Variants in JAK2 observed in about 807,000 individuals in gnomAD.
JAK2 encodes the protein Janus kinase 2, also known as tyrosine-protein kinase JAK2.
A neutral mutation model predicts 139.3 loss-of-function variants in JAK2; 86 were observed. The observed-to-expected ratio is 0.62, with a 90% CI of 0.52 to 0.74. The LOEUF (loss-of-function observed/expected upper bound fraction) is 0.74, where lower values mean the gene tolerates loss of function less well. Among genes scored for constraint, JAK2 ranks in the 30% least tolerant of loss-of-function variants. The pLI, the probability that JAK2 is intolerant of heterozygous loss-of-function variation, is 0.00. For missense variants in JAK2, 1,421 were observed against 1,360.3 expected, an observed-to-expected ratio of 1.04 and a Z score of -0.70; for synonymous variants, 490 against 437.7, an observed-to-expected ratio of 1.12 and a Z score of -1.49.
In JAK2 at chr9:4,987,081, G is replaced by T. The variant is rs139373280; in HGVS notation, c.-26+1059G>T. ...CTTGTACATGCATTTGTCTGTTGGT[G>T]TGTAACGTATGTACAGACTGGATGT... On this transcript the variant is annotated intron_variant, in intron 2 of 24. Transcript: ENST00000381652. Among the ~76,000 whole-genome samples the T allele has an allele frequency of 5.7e-3, 869 of 152,304 alleles. 12 individuals are homozygous for T. Among genetic ancestry groups the T allele is most frequent in the African/African-American group, 0.02 (834 of 41,550 alleles).
chr9:5,070,756 A>T lies in JAK2; in HGVS notation c.1641+704A>T, dbSNP rs1432008132. ...ATATAAATGGACCTGTGCAGTCCAA[A>T]CCCATGCTGTTCAAGGGTCAACTGT... On this transcript the variant is annotated intron_variant, in intron 12 of 24. Transcript: ENST00000381652. Among the ~76,000 whole-genome samples the T allele has an allele frequency of 3.3e-5, 5 of 152,138 alleles. No homozygotes were observed. The East Asian group carries it at 7.7e-4, about 23-fold the overall frequency.
At position 5,021,956 on chromosome 9, in the gene JAK2, C is replaced by T; in HGVS notation, c.-25-7C>T. Reference sequence around the variant, plus strand: ...CCCATTTGTAACTTTATTGTTTTCTCTTACAGGCAAATGTTCTGAAAAAGA... The same window carrying T: ...CCCATTTGTAACTTTATTGTTTTCTTTTACAGGCAAATGTTCTGAAAAAGA... On this transcript the variant is annotated splice_region_variant and splice_polypyrimidine_tract_variant and intron_variant, in intron 2 of 24. Coordinates refer to ENST00000381652, the MANE Select transcript of JAK2 (RefSeq NM_004972.4). The T allele has an allele frequency of 6.6e-7, 1 of 1,524,282 alleles. No homozygotes were observed. The allele number at this position is 1,524,282 out of a possible 1,614,324, so 94.4% of individuals were successfully genotyped here. A position where few individuals can be genotyped will look rare whatever the true frequency, so the allele number is the denominator to read the frequency against.
chr9:5,092,878 A>C (rs1303605950), intron 22 of JAK2, among the ~76,000 whole-genome samples: 1 of 152,186 alleles, frequency 6.6e-6, no homozygotes, highest in East Asian at 1.9e-4. Flanking sequence ...CTGTAAGTTT[A>C]ACTGTTAATC....
At chr9:4,998,670 C>T (rs1820740623) in intron 2 of JAK2, among the ~76,000 whole-genome samples, 2 of 151,664 alleles carry the variant, frequency 1.3e-5, no homozygotes, top group Admixed American at 1.3e-4. Context: ...GTGGCTTTTC[C>T]TGTGTAGTCA....
At chr9:5,108,433 C>G (rs1282602742) in intron 22 of JAK2, 1 of 152,088 alleles carries the variant, frequency 6.6e-6, no homozygotes, top group Non-Finnish European at 1.5e-5. Flanking sequence ...TTAAATACTT[C>G]AGATTCTCTA....
At chr9:5,086,855 A>C (rs1820155297) in intron 19 of JAK2, among the ~76,000 whole-genome samples, 1 of 152,166 alleles carries the variant, frequency 6.6e-6, no homozygotes, top group South Asian at 2.1e-4. Flanking sequence ...CTTCTCATAG[A>C]GCAGTTTGTA....
Position 5,054,444 on chromosome 9 carries a change from A to T in JAK2, c.615-119A>T. On this transcript the variant is annotated intron_variant, in intron 6 of 24. Coordinates refer to ENST00000381652, the MANE Select transcript of JAK2 (RefSeq NM_004972.4). The surrounding 1 kb of genome is among the most constrained non-coding windows in gnomAD (Gnocchi z 4.9). ...TTATGTCAACTTACGCCACTTGGCC[A>T]CTGTGTTGTAAGGCCTACTTAATCA... 1.3e-6 allele frequency: 1 copy of T among 748,850 alleles called. No homozygotes were observed. 46.4% of individuals were successfully genotyped at this position (748,850 alleles called of 1,614,324 possible). A position where few individuals can be genotyped will look rare whatever the true frequency, so the allele number is the denominator to read the frequency against.
chr9:5,046,856 C>A (rs1300946797), intron 5 of JAK2, among the ~76,000 whole-genome samples: 1 of 152,178 alleles, frequency 6.6e-6, no homozygotes, highest in African/African-American at 2.4e-5. Flanking sequence ...TTCACCTGTG[C>A]TGCAGAGCTA....
chr9:5,037,129 G>C (rs1816105329), intron 4 of JAK2, among the ~76,000 whole-genome samples: 1 of 152,228 alleles, frequency 6.6e-6, no homozygotes, highest in South Asian at 2.1e-4. Flanking sequence ...CTGGCCATCA[G>C]AGAAATGCAA....
At chr9:5,091,350 T>C (rs1820555753) in intron 22 of JAK2, 1 of 153,090 alleles carries the variant, frequency 6.5e-6, no homozygotes, top group African/African-American at 2.4e-5. Context: ...GGCCAAGTAC[T>C]GATATTTGAG....
rs116743929 is a variant in JAK2 at position 4,989,860 on chromosome 9, G to C, written c.-26+3838G>C. Among the ~76,000 whole-genome samples, 1,458 of 152,264 alleles carry C rather than the reference G, an allele frequency of 9.6e-3. 24 individuals carry two copies. Among genetic ancestry groups the C allele is most frequent in the African/African-American group, 0.034 (1,412 of 41,548 alleles). ...AGAAATTGTGTTAAAAATGTAGTTGGAATTTGATTATGGATGTCTTTAAAT... is the reference window on the plus strand; with the variant it reads ...AGAAATTGTGTTAAAAATGTAGTTGCAATTTGATTATGGATGTCTTTAAAT... On this transcript the variant is annotated intron_variant, in intron 2 of 24. Transcript: ENST00000381652.
At chr9:4,992,406 G>T (rs1820307521) in intron 2 of JAK2, among the ~76,000 whole-genome samples, 1 of 152,186 alleles carries the variant, frequency 6.6e-6, no homozygotes, top group South Asian at 2.1e-4. Context: ...AGCCTGTCCA[G>T]ATTTGATGGG....
At chr9:5,121,806 G>A (rs1342474584) in intron 22 of JAK2, among the ~76,000 whole-genome samples, 3 of 152,094 alleles carry the variant, frequency 2.0e-5, no homozygotes, top group Non-Finnish European at 4.4e-5. Context: ...TTACATAAGT[G>A]ATAGAACAGA....
At chr9:5,118,442 T>G (rs1206751629) in intron 22 of JAK2, among the ~76,000 whole-genome samples, 1 of 152,244 alleles carries the variant, frequency 6.6e-6, no homozygotes, top group Non-Finnish European at 1.5e-5. Context: ...TTGTAACTAT[T>G]CACATTTTTC....
intron 22 of JAK2, chr9:5,099,713 C>T (rs1222575517): frequency 6.6e-6 from 1 of 152,148 alleles, no homozygotes; most frequent in Non-Finnish European, 1.5e-5. Context: ...ATCCAACCTG[C>T]ACTAAAACAG....
At chr9:5,084,427 G>C (rs566414055) in intron 19 of JAK2, among the ~76,000 whole-genome samples, 1 of 152,032 alleles carries the variant, frequency 6.6e-6, no homozygotes, top group African/African-American at 2.4e-5. Flanking sequence ...ATTAGCTACT[G>C]TATCCCTTTG....
At chr9:5,082,863 G>A (rs1020478256) in intron 19 of JAK2, among the ~76,000 whole-genome samples, 2 of 152,202 alleles carry the variant, frequency 1.3e-5, no homozygotes, top group Non-Finnish European at 1.5e-5. Context: ...GTGAGCTTCA[G>A]GTTGGGGCAA....
chr9:5,005,973 G>T (rs1821272133), intron 2 of JAK2, among the ~76,000 whole-genome samples: 1 of 152,136 alleles, frequency 6.6e-6, no homozygotes, highest in Admixed American at 6.5e-5. Flanking sequence ...ACCTGGCGAT[G>T]CAGGCTCTTT....
intron 9 of JAK2, among the ~76,000 whole-genome samples, chr9:5,065,739 T>G (rs1187225952): frequency 6.6e-6 from 1 of 152,206 alleles, no homozygotes; most frequent in Non-Finnish European, 1.5e-5. Context: ...GTCCTAATGA[T>G]CTCTTAGCTA....
Sources: gnomAD v4.1 joint callset for allele counts (sites outside exome capture counted in the v4.1 genomes callset) on GRCh38, gnomAD v4.1.1 for gene constraint, Gnocchi (gnomAD v3.1) non-coding constraint, MANE v1.5 for transcripts, NCBI Gene and HGNC (gene_info 2026-07-23, HGNC 2026-07-21) for gene names.